Variants in RFTN2 observed in about 807,000 individuals in gnomAD.
RFTN2 encodes the protein raftlin-2.
In RFTN2, 34 loss-of-function variants were observed where a neutral mutation model predicts 52.7. The observed-to-expected ratio is 0.64, with a 90% CI of 0.49 to 0.86. The LOEUF (loss-of-function observed/expected upper bound fraction) is 0.86, where lower values mean the gene tolerates loss of function less well. RFTN2 is among the 40% of genes least tolerant of loss of function. The pLI is 0.00. For missense variants in RFTN2, 536 were observed against 600.1 expected (o/e 0.89, Z 1.12); for synonymous variants, 203 against 217.7 (o/e 0.93, Z 0.59).
At chr2:197,612,086 T>C (rs1438259249) in intron 7 of RFTN2, among the ~76,000 whole-genome samples, 2 of 152,198 alleles carry the variant, frequency 1.3e-5, no homozygotes, top group African/African-American at 4.8e-5. Context: ...GTATATTCTG[T>C]AGATTTGGGG....
chr2:197,646,643 T>C lies in RFTN2; in HGVS notation c.163A>G (p.Lys55Glu), dbSNP rs2088754363. 1 of 1,612,672 alleles carries C rather than the reference T, an allele frequency of 6.2e-7. No individual in the cohort carries two copies. The highest frequency in any genetic ancestry group is 1.3e-5 in the African/African-American group (1 of 74,910). Residue 55 changes from lysine (K) to glutamate (E), a missense_variant, in exon 2 of 9, where the codon AAG becomes GAG. Coordinates refer to ENST00000295049, the MANE Select transcript of RFTN2 (RefSeq NM_144629.3). The stretch of plus-strand genomic sequence containing the variant: ...ACTATATCCAGAATTGAATTTATCT[T>C]GATGACTTCTGGGTTTGATGAAGCT... ...LQASSNPEVI[K>E]INSILDIVTK...
At chr2:197,619,302 G>C (rs1185560803) in intron 5 of RFTN2, among the ~76,000 whole-genome samples, 10 of 152,030 alleles carry the variant, frequency 6.6e-5, no homozygotes, top group East Asian at 1.9e-4. Context: ...GAATAGAAAG[G>C]GGGGAAAGGT....
intron 1 of RFTN2, among the ~76,000 whole-genome samples, chr2:197,664,389 T>C (rs2089021171): frequency 6.6e-6 from 1 of 151,774 alleles, no homozygotes; most frequent in Non-Finnish European, 1.5e-5. Context: ...GGTGGGAGGA[T>C]TGTTTGAGCC....
At chr2:197,635,046 T>G (rs2106237271) in intron 3 of RFTN2, among the ~76,000 whole-genome samples, 1 of 152,240 alleles carries the variant, frequency 6.6e-6, no homozygotes, top group Admixed American at 6.5e-5. Context: ...TTCATCCATG[T>G]CCCTACAAAG....
chr2:197,587,985 C>T (rs1270388318), intron 8 of RFTN2: 1 of 470,742 alleles, frequency 2.1e-6, no homozygotes, highest in Non-Finnish European at 4.4e-6. Context: ...TAGCCCAAGT[C>T]TCTTACCTTA....
chr2:197,626,780 A>C (rs994685135), intron 5 of RFTN2, among the ~76,000 whole-genome samples: 1 of 151,554 alleles, frequency 6.6e-6, no homozygotes, highest in Admixed American at 6.6e-5. Context: ...CACCACATCC[A>C]GCACATTTTT....
chr2:197,665,540 T>TTTTTTTTTTTTTTTTTTTTTTTTG (rs1379369868), intron 1 of RFTN2, among the ~76,000 whole-genome samples: 1 of 149,300 alleles, frequency 6.7e-6, no homozygotes, highest in African/African-American at 2.5e-5. Flanking sequence ...TTTTACTGTT[T>TTTTTTTTTTTTTTTTTTTTTTTTG]TCGACTTACT....
chr2:197,570,410 TA>T lies in RFTN2; in HGVS notation c.*1597del, dbSNP rs1157627148. ...ACACTATATAATTGATAACATGTAA[TA>T]CATATCTGTTATATGTATAAAACAT... On this transcript the variant is annotated 3_prime_UTR_variant, in exon 9 of 9. Coordinates refer to ENST00000295049, the MANE Select transcript of RFTN2 (RefSeq NM_144629.3). The T allele has an allele frequency of 6.6e-6, 1 of 152,202 alleles. No homozygotes were observed. The highest frequency in any genetic ancestry group is 6.5e-5 in the Admixed American group (1 of 15,274). 9.4% of individuals were successfully genotyped at this position (152,202 alleles called of 1,614,324 possible).
At chr2:197,639,375 A>G (rs2088621311) in intron 3 of RFTN2, among the ~76,000 whole-genome samples, 2 of 151,982 alleles carry the variant, frequency 1.3e-5, no homozygotes, top group Non-Finnish European at 2.9e-5. Context: ...TTTCAGGTAC[A>G]CCAGCCAGAC....
At chr2:197,623,939 C>T (rs2088309485) in intron 5 of RFTN2, among the ~76,000 whole-genome samples, 1 of 152,098 alleles carries the variant, frequency 6.6e-6, no homozygotes, top group Non-Finnish European at 1.5e-5. Context: ...GCTGGGATTA[C>T]AGGTCTGAGC....
chr2:197,591,069 T>C (rs2087704373), intron 8 of RFTN2, among the ~76,000 whole-genome samples: 1 of 152,202 alleles, frequency 6.6e-6, no homozygotes. Context: ...GAGAGCTGAT[T>C]GGTCCGTTTT....
Position 197,631,112 on chromosome 2 carries a change from A to T in RFTN2, c.827T>A (p.Val276Asp), listed in dbSNP as rs766800307. 2 of 1,612,382 alleles carry T rather than the reference A, an allele frequency of 1.2e-6. No homozygotes were observed. The highest frequency in any genetic ancestry group is 1.7e-6 in the Non-Finnish European group (2 of 1,178,644). ...LSMKVTRKGS[V>D]ISTLDADWLE... ...CCAATCAGCATCAAGTGTACTAATG[A>T]CTGATCCTTTTCTTGTTACTTTCAT... is the stretch of plus-strand genomic sequence containing the variant. The change falls in exon 5 of 9, where the codon GTC becomes GAC. Residue 276 changes from valine (V) to aspartate (D), a missense_variant. Physicochemically the swap from Val to Asp is radical, Grantham distance 152. Coordinates refer to ENST00000295049, the MANE Select transcript of RFTN2 (RefSeq NM_144629.3).
chr2:197,598,329 A>T (rs1345402257), intron 7 of RFTN2, among the ~76,000 whole-genome samples: 1 of 152,126 alleles, frequency 6.6e-6, no homozygotes, highest in East Asian at 1.9e-4. Context: ...TAAAAGAAAG[A>T]AAAGTAAAGA....
intron 7 of RFTN2, among the ~76,000 whole-genome samples, chr2:197,611,096 A>G (rs980281899): frequency 2.0e-5 from 3 of 152,130 alleles, no homozygotes; most frequent in African/African-American, 7.2e-5. Context: ...TGTCTCTGCC[A>G]GGTTTTGGTA....
chr2:197,590,883 G>A (rs77357334), intron 8 of RFTN2, among the ~76,000 whole-genome samples: 22,096 of 152,182 alleles, frequency 0.15, 1,855 homozygotes, highest in Middle Eastern at 0.28. Context: ...CCCAAAGAGG[G>A]AGCAGCAGCA....
intron 5 of RFTN2, among the ~76,000 whole-genome samples, chr2:197,626,391 C>A (rs1453761324): frequency 6.6e-6 from 1 of 151,776 alleles, no homozygotes; most frequent in Non-Finnish European, 1.5e-5. Flanking sequence ...CAAAGCGAGA[C>A]CATGTCTACA....
chr2:197,571,251 AAAATT>A lies in RFTN2; in HGVS notation c.*752_*756del, dbSNP rs1286947668. ...TAGTATTTGGACTTTAAAATAAAAA[AAAATT>A]AAATCTTACTCTCTACTAAGGTATT... On this transcript the variant is annotated 3_prime_UTR_variant, in exon 9 of 9. Coordinates refer to ENST00000295049, the MANE Select transcript of RFTN2 (RefSeq NM_144629.3). 6.6e-6 allele frequency: 1 copy of A among 152,190 alleles called. No homozygotes were observed. The highest frequency in any genetic ancestry group is 6.5e-5 in the Admixed American group (1 of 15,284). The allele number at this position is 152,190 out of a possible 1,614,324, so 9.4% of individuals were successfully genotyped here. A position where few individuals can be genotyped will look rare whatever the true frequency, so the allele number is the denominator to read the frequency against.
intron 8 of RFTN2, among the ~76,000 whole-genome samples, chr2:197,586,433 C>A (rs2087599460): frequency 1.3e-5 from 2 of 152,150 alleles, no homozygotes; most frequent in South Asian, 4.1e-4. Flanking sequence ...CTTTGCATTT[C>A]CAGTTTTGCT....
intron 5 of RFTN2, 81 bp from the exon 6 acceptor site, chr2:197,618,002 T>C: frequency 1.8e-6 from 2 of 1,096,938 alleles, no homozygotes; most frequent in Non-Finnish European, 2.4e-6. Context: ...AAATAACTCA[T>C]ATAGGAAACT....
Sources: allele counts gnomAD v4.1 joint callset (sites outside exome capture counted in the v4.1 genomes callset), GRCh38; gene constraint gnomAD v4.1.1; transcripts MANE v1.5; gene names NCBI Gene and HGNC (gene_info 2026-07-23, HGNC 2026-07-21).